Variants in SFXN4 observed in about 807,000 individuals in gnomAD.
SFXN4 encodes the protein sideroflexin 4.
A neutral mutation model predicts 54.6 loss-of-function variants in SFXN4; 48 were observed. The observed-to-expected ratio is 0.88, with a 90% CI of 0.70 to 1.12. SFXN4 has a LOEUF of 1.12. Among genes scored for constraint, SFXN4 ranks in the 50% most tolerant of loss-of-function variants. The probability of loss-of-function intolerance (pLI) is 0.00; values close to 1 mark genes in which losing one functional copy is unlikely to be tolerated. For synonymous variants in SFXN4, 130 were observed against 145.5 expected (o/e 0.89, Z 0.77); for missense variants, 383 against 409.2 (o/e 0.94, Z 0.55).
intron 13 of SFXN4, among the ~76,000 whole-genome samples, chr10:119,144,539 T>TA (rs1365025258): frequency 1.3e-5 from 2 of 150,336 alleles, no homozygotes; most frequent in African/African-American, 2.5e-5. Context: ...CTTTGGAAAT[T>TA]AAAAAAATTG....
chr10:119,147,684 C>G (rs1275180150), intron 12 of SFXN4, 91 bp downstream of exon 12: 1 of 1,094,002 alleles, frequency 9.1e-7, no homozygotes, highest in Admixed American at 1.9e-5. Flanking sequence ...GAGCCAACTT[C>G]TCCCCACCCT....
chr10:119,148,768 T>C (rs1368256492), intron 11 of SFXN4, among the ~76,000 whole-genome samples: 2 of 152,224 alleles, frequency 1.3e-5, no homozygotes, highest in East Asian at 1.9e-4. Context: ...CATTTAAACA[T>C]ACAATTTACT....
chr10:119,155,282 C>T, intron 10 of SFXN4, 105 bp from the exon 11 acceptor site: 1 of 779,290 alleles, frequency 1.3e-6, no homozygotes, highest in Non-Finnish European at 2.2e-6. Context: ...CTTTCTCTGA[C>T]AGCTGGCCTT....
At chr10:119,161,147 C>CT in intron 3 of SFXN4, 66 bp from the exon 4 acceptor site, 1 of 1,548,636 alleles carries the variant, frequency 6.5e-7, no homozygotes, top group Non-Finnish European at 8.9e-7. Context: ...AGGTCTTGCT[C>CT]TGTCACCCAG....
chr10:119,151,514 AT>A (rs1847069191), intron 11 of SFXN4, among the ~76,000 whole-genome samples: 1 of 151,658 alleles, frequency 6.6e-6, no homozygotes, highest in South Asian at 2.1e-4. Context: ...TGTTTCATTT[AT>A]TTATTATTAT....
At chr10:119,156,587 A>T in intron 10 of SFXN4, 91 bp downstream of exon 10, 1 of 1,017,288 alleles carries the variant, frequency 9.8e-7, no homozygotes, top group Non-Finnish European at 1.5e-6. Flanking sequence ...ACAATGTGCC[A>T]AGGGAGCCAG....
At chr10:119,143,084 G>A (rs908264954) in intron 13 of SFXN4, among the ~76,000 whole-genome samples, 5 of 151,450 alleles carry the variant, frequency 3.3e-5, no homozygotes, top group African/African-American at 9.7e-5. Context: ...CTGAGGTCAC[G>A]CGTGAGACTG....
In SFXN4 at chr10:119,164,116, G is replaced by A. The variant is rs750025405; in HGVS notation, c.177+15C>T. 6.9e-7 allele frequency: 1 copy of A among 1,442,734 alleles called. No individual in the cohort carries two copies. Among genetic ancestry groups the A allele is most frequent in the Admixed American group, 2.0e-5 (1 of 50,632 alleles). The allele number at this position is 1,442,734 out of a possible 1,614,324, so 89.4% of individuals were successfully genotyped here. A position where few individuals can be genotyped will look rare whatever the true frequency, so the allele number is the denominator to read the frequency against. On this transcript the variant is annotated intron_variant, in intron 2 of 13. Coordinates refer to ENST00000355697, the MANE Select transcript of SFXN4 (RefSeq NM_213649.2). ...ATAAAATGTGAAATTCATTAGCTCT[G>A]AAAACAATACTTACAACTGAAATGA...
intron 2 of SFXN4, among the ~76,000 whole-genome samples, chr10:119,162,707 T>C (rs868613010): frequency 6.6e-5 from 10 of 152,330 alleles, no homozygotes; most frequent in Middle Eastern, 3.4e-3. Context: ...CCCCTGGCTA[T>C]ACATGTCAGA....
At chr10:119,144,114 T>G (rs966910282) in intron 13 of SFXN4, among the ~76,000 whole-genome samples, 4 of 152,148 alleles carry the variant, frequency 2.6e-5, no homozygotes. Flanking sequence ...TTTGAGGACA[T>G]ATATATTTAT....
At chr10:119,161,944 C>A (rs1202925026) in intron 3 of SFXN4, among the ~76,000 whole-genome samples, 2 of 152,200 alleles carry the variant, frequency 1.3e-5, no homozygotes, top group Non-Finnish European at 2.9e-5. Context: ...AGGAACAGTC[C>A]GTTTGAGCCT....
intron 3 of SFXN4, among the ~76,000 whole-genome samples, chr10:119,161,436 A>AAAC (rs1564827542): frequency 2.5e-5 from 3 of 118,574 alleles, no homozygotes; most frequent in Admixed American, 1.8e-4. Flanking sequence ...ACAAAAAAAA[A>AAAC]CAAAAAAAAA....
At chr10:119,141,528 T>G (rs1846524057) in intron 13 of SFXN4, among the ~76,000 whole-genome samples, 1 of 147,500 alleles carries the variant, frequency 6.8e-6, no homozygotes, top group Admixed American at 6.7e-5. Flanking sequence ...TTTTTTTTTT[T>G]GAGACAGAGT....
rs1233321249 is a variant in SFXN4, at chr10:119,162,384, A to G, written c.208T>C (p.Cys70Arg). 1.2e-6 allele frequency: 2 copies of G among 1,614,074 alleles called. No individual in the cohort carries two copies. Among genetic ancestry groups the G allele is most frequent in the African/African-American group, 1.3e-5 (1 of 74,928 alleles). ...ESIENSRQLLCTNEDVSSPAS... is the reference protein window; with the variant it reads ...ESIENSRQLLRTNEDVSSPAS... Reference sequence around the variant, plus strand: ...GGGCTGGAAACATCTTCATTTGTGCACAATAGTTGCCTCGAGTTTTCTATA... The same window carrying G: ...GGGCTGGAAACATCTTCATTTGTGCGCAATAGTTGCCTCGAGTTTTCTATA... Residue 70 changes from cysteine (C) to arginine (R), a missense_variant, in exon 3 of 14, where the codon TGC becomes CGC. Cys to Arg is a radical substitution (Grantham distance 180, BLOSUM62 -3). Transcript: ENST00000355697.
At chr10:119,159,547 G>A (rs1334945387) in intron 6 of SFXN4, among the ~76,000 whole-genome samples, 181 bp downstream of exon 6, 1 of 151,292 alleles carries the variant, frequency 6.6e-6, no homozygotes, top group Non-Finnish European at 1.5e-5. Flanking sequence ...TGGGGAGGGG[G>A]AGGGAGTGGG....
chr10:119,158,073 G>A lies in SFXN4; in HGVS notation c.361-11C>T, dbSNP rs371506660. 9.3e-6 allele frequency: 15 copies of A among 1,613,262 alleles called. No individual in the cohort carries two copies. In the African/African-American group the frequency reaches 1.6e-4, roughly 17 times the overall value. On this transcript the variant is annotated splice_polypyrimidine_tract_variant and intron_variant, in intron 6 of 13. Transcript: ENST00000355697. ...CATTGACAAAAATACCTTTTAAGAA[G>A]ACAGTGGAACAGAGTTACAAGTGTT...
At chr10:119,165,146 G>A (rs1847717596) in intron 1 of SFXN4, 5 of 974,940 alleles carry the variant, frequency 5.1e-6, no homozygotes, top group South Asian at 3.7e-5. Context: ...CTTATGTCCT[G>A]CCCAAGGGTG....
chr10:119,161,137 A>G (rs1454349657), intron 3 of SFXN4, 56 bp from the exon 4 acceptor site: 34 of 1,584,858 alleles, frequency 2.1e-5, no homozygotes, highest in Non-Finnish European at 2.2e-5. Context: ...TTAAGAGACA[A>G]GGTCTTGCTC....
In SFXN4 at chr10:119,162,353, G is replaced by A. The variant is rs751311051; in HGVS notation, c.239C>T (p.Ser80Leu). ...CTNEDVSSPA[S>L]ADQRIQEAWK... ...CGTGAAACATACCCTTTGGTCCGCC[G>A]AGGCAGGGCTGGAAACATCTTCATT... is the stretch of plus-strand genomic sequence containing the variant. The change falls in exon 3 of 14, where the codon TCG becomes TTG. Residue 80 changes from serine (S) to leucine (L), a missense_variant. Coordinates refer to ENST00000355697, the MANE Select transcript of SFXN4 (RefSeq NM_213649.2). The A allele has an allele frequency of 2.2e-5, 35 of 1,613,968 alleles. No individual in the cohort carries two copies. Among genetic ancestry groups the A allele is most frequent in the South Asian group, 1.6e-4 (15 of 91,078 alleles).
Sources: allele counts gnomAD v4.1 joint callset (sites outside exome capture counted in the v4.1 genomes callset), GRCh38; gene constraint gnomAD v4.1.1; transcripts MANE v1.5; gene names NCBI Gene and HGNC (gene_info 2026-07-23, HGNC 2026-07-21).